The following ZDHHC11B variants were observed in gnomAD, a reference collection of about 807,000 sequenced individuals.
The protein encoded by ZDHHC11B is probable palmitoyltransferase ZDHHC11B.
In ZDHHC11B, 17 loss-of-function variants were observed where a neutral mutation model predicts 42.3. The observed-to-expected ratio is 0.40, with a 90% CI of 0.27 to 0.60. The LOEUF (loss-of-function observed/expected upper bound fraction) is 0.60. Among genes scored for constraint, ZDHHC11B ranks in the 20% least tolerant of loss-of-function variants. The pLI, the probability that ZDHHC11B is intolerant of heterozygous loss-of-function variation, is 0.41. For synonymous variants in ZDHHC11B, 123 were observed against 193.5 expected (o/e 0.64, Z 3.02); for missense variants, 262 against 463.2 (o/e 0.57, Z 3.99).
intron 1 of ZDHHC11B, among the ~76,000 whole-genome samples, chr5:779,586 G>A (rs1441573225): frequency 6.8e-6 from 1 of 147,548 alleles, no homozygotes; most frequent in Non-Finnish European, 1.5e-5. Context: ...CGTGGCTGGT[G>A]TGAGGAAGTC....
At chr5:776,366 C>T (rs1409225214) in intron 1 of ZDHHC11B, among the ~76,000 whole-genome samples, 1 of 151,874 alleles carries the variant, frequency 6.6e-6, no homozygotes, top group Non-Finnish European at 1.5e-5. Flanking sequence ...GGACCCAGGT[C>T]GCTGACTGAG....
At chr5:741,037 G>A (rs1215916552) in intron 10 of ZDHHC11B, among the ~76,000 whole-genome samples, 3 of 114,746 alleles carry the variant, frequency 2.6e-5, no homozygotes, top group African/African-American at 8.4e-5. Flanking sequence ...GATTGAAAAT[G>A]CGCGTGCCCT....
intron 12 of ZDHHC11B, among the ~76,000 whole-genome samples, chr5:729,569 C>T (rs1432231479): frequency 6.6e-6 from 1 of 150,490 alleles, no homozygotes; most frequent in Non-Finnish European, 1.5e-5. Flanking sequence ...TGTGCACATG[C>T]CTGTGTCTGT....
At chr5:739,072 C>T (rs1169792551) in intron 10 of ZDHHC11B, among the ~76,000 whole-genome samples, 3 of 150,470 alleles carry the variant, frequency 2.0e-5, no homozygotes, top group Non-Finnish European at 4.4e-5. Context: ...TATCCAGAAT[C>T]TAAAAGGAAC....
At chr5:733,437 G>A (rs1210199727) in intron 11 of ZDHHC11B, among the ~76,000 whole-genome samples, 5 of 151,434 alleles carry the variant, frequency 3.3e-5, no homozygotes, top group Non-Finnish European at 7.4e-5. Flanking sequence ...ACTGTCCCTC[G>A]CTGCATGTTC....
At chr5:727,754 C>T (rs1406589690) in intron 12 of ZDHHC11B, among the ~76,000 whole-genome samples, 3 of 132,492 alleles carry the variant, frequency 2.3e-5, no homozygotes, top group Non-Finnish European at 1.7e-5. Context: ...GATAAAGTAA[C>T]CTTAGCTCTC....
intron 4 of ZDHHC11B, among the ~76,000 whole-genome samples, chr5:759,333 C>T (rs1411255017): frequency 8.6e-5 from 13 of 151,896 alleles, no homozygotes; most frequent in African/African-American, 2.4e-4. Context: ...AGGTGGAGAG[C>T]GAGCCCACAG....
intron 12 of ZDHHC11B, 142 bp downstream of exon 12, chr5:730,292 A>G: frequency 1.8e-6 from 2 of 1,085,494 alleles, no homozygotes; most frequent in Non-Finnish European, 2.6e-6. Flanking sequence ...ATGGCTATAA[A>G]TGTTCAGTGA....
Position 765,845 on chromosome 5 carries a change from C to T in ZDHHC11B, c.222+853G>A, listed in dbSNP as rs550294233. On this transcript the variant is annotated intron_variant, in intron 4 of 13. Transcript: ENST00000508859. ...CCTTTAAGAACTGTAACACTCACCG[C>T]GAGGGTCTGCGGCTTCATTCTTGAA... Among the ~76,000 whole-genome samples, 15 of 152,032 alleles carry T rather than the reference C, an allele frequency of 9.9e-5. No individual in the cohort carries two copies. In the South Asian group the frequency reaches 2.1e-3, roughly 21 times the overall value.
intron 4 of ZDHHC11B, among the ~76,000 whole-genome samples, chr5:761,963 C>G (rs1734684146): frequency 8.0e-6 from 1 of 125,376 alleles, no homozygotes; most frequent in Non-Finnish European, 1.7e-5. Context: ...CACTCACAGT[C>G]CTGGCTGGCC....
intron 6 of ZDHHC11B, among the ~76,000 whole-genome samples, chr5:753,892 G>A (rs1379385551): frequency 1.4e-5 from 2 of 146,008 alleles, no homozygotes; most frequent in Non-Finnish European, 3.0e-5. Context: ...TTTCAGGTCA[G>A]CACAGAGTAG....
intron 4 of ZDHHC11B, among the ~76,000 whole-genome samples, chr5:759,633 C>T (rs1385848857): frequency 3.9e-5 from 6 of 151,980 alleles, no homozygotes; most frequent in East Asian, 1.9e-4. Context: ...GACGCGGGCA[C>T]GCGGGCACTG....
In ZDHHC11B at chr5:719,314, G is replaced by C. The variant is rs185592493; in HGVS notation, c.1059-2449C>G. On this transcript the variant is annotated intron_variant, in intron 12 of 13. Transcript: ENST00000508859. The stretch of plus-strand genomic sequence containing the variant: ...GCCCACTCACAGGGGAAAAAGACTT[G>C]GCATAAACTATGTCTGTGAAAGCTC... 1.5e-4 allele frequency among the ~76,000 whole-genome samples: 22 copies of C among 151,640 alleles called. 1 individual carries two copies. The East Asian group carries it at 4.1e-3, about 28-fold the overall frequency.
chr5:773,117 C>T lies in ZDHHC11B; in HGVS notation c.-229-4187G>A, dbSNP rs139652508. ...GACCCACGTGCTGTTTCCACAATGA[C>T]GGTAATAAGAATACATTTAGTTTTA... On this transcript the variant is annotated intron_variant, in intron 1 of 13. Transcript: ENST00000508859. 8.6e-3 allele frequency among the ~76,000 whole-genome samples: 1,302 copies of T among 151,648 alleles called. 36 individuals are homozygous for T. The highest frequency in any genetic ancestry group is 0.029 in the African/African-American group (1,205 of 41,170).
rs1741378683 is a variant in ZDHHC11B at position 711,591 on chromosome 5, TGCTCCCATTTCCCAGTGC to T, written c.*681_*698del. The T allele has an allele frequency of 1.3e-5, 2 of 156,394 alleles. No homozygotes were observed. The highest frequency in any genetic ancestry group is 4.9e-5 in the African/African-American group (2 of 41,100). 9.7% of individuals were successfully genotyped at this position (156,394 alleles called of 1,614,324 possible). Reference sequence around the variant, plus strand: ...ACTGTGCTCCCATTTCCCAGTACTGTGCTCCCATTTCCCAGTGCCGTGCTCCCATTTCCCAGTGCTGTA... The same window carrying T: ...ACTGTGCTCCCATTTCCCAGTACTGTCGTGCTCCCATTTCCCAGTGCTGTA... On this transcript the variant is annotated 3_prime_UTR_variant, in exon 14 of 14. Transcript: ENST00000508859.
At chr5:769,692 CCT>C (rs1275400995) in intron 1 of ZDHHC11B, among the ~76,000 whole-genome samples, 11 of 152,068 alleles carry the variant, frequency 7.2e-5, no homozygotes, top group Non-Finnish European at 1.0e-4. Flanking sequence ...ACAAAGTGCC[CCT>C]GACGGGCTGG....
chr5:756,970 G>T (rs1298124069), intron 4 of ZDHHC11B, among the ~76,000 whole-genome samples: 2 of 151,916 alleles, frequency 1.3e-5, no homozygotes, highest in African/African-American at 4.8e-5. Context: ...TGGGCTCGGA[G>T]CCTGGCTGTG....
At chr5:715,931 G>A (rs1253005976) in intron 13 of ZDHHC11B, among the ~76,000 whole-genome samples, 168 of 151,240 alleles carry the variant, frequency 1.1e-3, no homozygotes, top group Non-Finnish European at 2.1e-3. Flanking sequence ...TGTTTTGCCC[G>A]ATCATAGGGC....
chr5:734,178 C>G (rs1163882193), intron 10 of ZDHHC11B, among the ~76,000 whole-genome samples: 4 of 142,108 alleles, frequency 2.8e-5, no homozygotes, highest in Non-Finnish European at 6.1e-5. Context: ...ATATGCAGCT[C>G]CCACATGGAG....
Sources: allele counts gnomAD v4.1 joint callset (sites outside exome capture counted in the v4.1 genomes callset), GRCh38; gene constraint gnomAD v4.1.1; transcripts MANE v1.5; gene names NCBI Gene and HGNC (gene_info 2026-07-23, HGNC 2026-07-21).